Variants in RRN3 observed in about 807,000 individuals in gnomAD.
RRN3 encodes RNA polymerase I transcription factor RRN3, also known as RNA polymerase I-specific transcription initiation factor RRN3.
In RRN3, 38 loss-of-function variants were observed where a neutral mutation model predicts 82.3. That is an observed-to-expected ratio of 0.46 (90% CI 0.36 to 0.61). The LOEUF (loss-of-function observed/expected upper bound fraction) is 0.61. RRN3 is among the 20% of genes least tolerant of loss of function. The pLI is 0.00. For missense variants in RRN3, 726 were observed against 793.1 expected, an observed-to-expected ratio of 0.92 and a Z score of 1.02; for synonymous variants, 284 against 284.3, an observed-to-expected ratio of 1.00 and a Z score of 0.01.
chr16:15,088,599 G>A (rs2045999238), intron 3 of RRN3, among the ~76,000 whole-genome samples: 1 of 152,012 alleles, frequency 6.6e-6, no homozygotes, highest in African/African-American at 2.4e-5. Context: ...TTGTATCTGG[G>A]AAAGAAGGCA....
intron 10 of RRN3, 49 bp from the exon 11 acceptor site, chr16:15,074,910 G>T (rs1211268149): frequency 1.3e-6 from 2 of 1,542,158 alleles, no homozygotes; most frequent in South Asian, 2.4e-5. Context: ...CAATGTCAAA[G>T]TGGTTTAGTA....
At chr16:15,085,888 C>T (rs1289866421) in intron 5 of RRN3, among the ~76,000 whole-genome samples, 190 bp from the exon 6 acceptor site, 7 of 152,062 alleles carry the variant, frequency 4.6e-5, no homozygotes, top group Non-Finnish European at 7.4e-5. Flanking sequence ...AGTTTTTAAA[C>T]GGCTAAAAAT....
intron 6 of RRN3, among the ~76,000 whole-genome samples, chr16:15,084,973 G>C (rs1290281522): frequency 6.6e-6 from 1 of 152,054 alleles, no homozygotes; most frequent in Non-Finnish European, 1.5e-5. Context: ...GGCTGAAGCA[G>C]GAGAACCACT....
At chr16:15,093,638 A>T (rs950632800) in intron 1 of RRN3, among the ~76,000 whole-genome samples, 1 of 152,252 alleles carries the variant, frequency 6.6e-6, no homozygotes, top group Admixed American at 6.5e-5. Flanking sequence ...AAAACATAGC[A>T]TCCTAATGAC....
chr16:15,089,807 A>AC (rs1278011138), intron 3 of RRN3, among the ~76,000 whole-genome samples: 1 of 132,702 alleles, frequency 7.5e-6, no homozygotes, highest in Non-Finnish European at 1.7e-5. Flanking sequence ...AAAAAAAAAA[A>AC]AAAACAGATT....
chr16:15,061,608 C>G lies in RRN3; in HGVS notation c.*136G>C. 1 of 703,758 alleles carries G rather than the reference C, an allele frequency of 1.4e-6. No homozygotes were observed. Among genetic ancestry groups the G allele is most frequent in the Non-Finnish European group, 2.3e-6 (1 of 434,704 alleles). The allele number at this position is 703,758 out of a possible 1,614,324, so 43.6% of individuals were successfully genotyped here. On this transcript the variant is annotated 3_prime_UTR_variant, in exon 18 of 18. Coordinates refer to ENST00000198767, the MANE Select transcript of RRN3 (RefSeq NM_018427.5). Reference sequence around the variant, plus strand: ...CTTCAGATGCTTGATTCAGTCGAACCTGGAAGTGCCACAGCCGAGGCAGGC... The same window carrying G: ...CTTCAGATGCTTGATTCAGTCGAACGTGGAAGTGCCACAGCCGAGGCAGGC...
intron 8 of RRN3, among the ~76,000 whole-genome samples, chr16:15,080,466 G>GCT (rs905429434): frequency 2.6e-5 from 4 of 152,058 alleles, no homozygotes; most frequent in African/African-American, 4.8e-5. Flanking sequence ...ACAGGGTCTT[G>GCT]CTCTCTCTCT....
chr16:15,065,098 G>A (rs1171793605), intron 16 of RRN3, 121 bp downstream of exon 16: 13 of 981,978 alleles, frequency 1.3e-5, no homozygotes, highest in South Asian at 1.7e-5. Context: ...CCCGGGAGGC[G>A]GAGCTTGCGG....
At chr16:15,066,866 G>C (rs527641508) in intron 15 of RRN3, among the ~76,000 whole-genome samples, 86 of 151,806 alleles carry the variant, frequency 5.7e-4, no homozygotes, top group African/African-American at 2.1e-3. Context: ...CCTGCTCTTA[G>C]CCTCACATCG....
intron 15 of RRN3, among the ~76,000 whole-genome samples, chr16:15,067,140 G>C (rs1296001552): frequency 6.6e-6 from 1 of 150,950 alleles, no homozygotes; most frequent in Non-Finnish European, 1.5e-5. Context: ...CAGAAGAGAG[G>C]ACACCTTGAA....
At chr16:15,073,277 AG>A (rs2045314780) in intron 11 of RRN3, among the ~76,000 whole-genome samples, 197 bp from the exon 12 acceptor site, 1 of 152,144 alleles carries the variant, frequency 6.6e-6, no homozygotes, top group Non-Finnish European at 1.5e-5. Context: ...TGGGGAACAC[AG>A]GGAAGCTCTG....
intron 16 of RRN3, among the ~76,000 whole-genome samples, chr16:15,064,935 G>A (rs1329878255): frequency 1.3e-5 from 2 of 152,208 alleles, no homozygotes; most frequent in African/African-American, 4.8e-5. Context: ...GGGAGGCCGA[G>A]GCGGGCGGAT....
At chr16:15,066,612 G>T (rs1478412451) in intron 15 of RRN3, among the ~76,000 whole-genome samples, 1 of 150,334 alleles carries the variant, frequency 6.7e-6, no homozygotes, top group African/African-American at 2.4e-5. Context: ...CAGCCTGGGT[G>T]ACAGAGCAAG....
intron 6 of RRN3, 31 bp downstream of exon 6, chr16:15,085,608 G>A: frequency 6.2e-7 from 1 of 1,604,852 alleles, no homozygotes; most frequent in South Asian, 1.1e-5. Context: ...GAAAGCTACT[G>A]TGCCCAGGCT....
chr16:15,080,075 G>T lies in RRN3; in HGVS notation c.688C>A (p.Leu230Ile), dbSNP rs2045634883. 1 of 1,600,090 alleles carries T rather than the reference G, an allele frequency of 6.2e-7. No individual in the cohort carries two copies. Among genetic ancestry groups the T allele is most frequent in the Admixed American group, 1.7e-5 (1 of 57,616 alleles). ...GTTGGAAAATATACACTAATCCTTA[G>T]TAAGTTATGAACGTAACATTCCTAA... ...RTLECYVHNL[L>I]RISVYFPTLR... Residue 230 changes from leucine to isoleucine, a missense_variant, in exon 9 of 18, where the codon CTA (leucine) becomes ATA (isoleucine). Around this residue, in one of 4 missense-constraint regions of RRN3, gnomAD observed 344 missense variants for 394.5 expected, o/e 0.87. Transcript: ENST00000198767.
chr16:15,080,082 A>G lies in RRN3; in HGVS notation c.681T>C (p.His227=), dbSNP rs1413271670. The G allele has an allele frequency of 5.6e-6, 9 of 1,599,024 alleles. No homozygotes were observed. The African/African-American group carries it at 1.1e-4, about 19-fold the overall frequency. Residue 227 remains histidine (H), a synonymous_variant, in exon 9 of 18, where the codon CAT becomes CAC. Transcript: ENST00000198767. ...AATATACACTAATCCTTAGTAAGTT[A>G]TGAACGTAACATTCCTAAAGGAGAA... is the stretch of plus-strand genomic sequence containing the variant. ...KSERTLECYV[H]NLLRISVYFP...
rs2045287520 is a variant in RRN3 at position 15,072,695 on chromosome 16, G to GT, written c.1128+254dup. On this transcript the variant is annotated intron_variant, in intron 12 of 17. Transcript: ENST00000198767. ...ACCTGTGGTCCCAGCTATCGAGAGG[G>GT]TAAGGACTGAGAGTCCGTTGAGCCC... is the stretch of plus-strand genomic sequence containing the variant. Among the ~76,000 whole-genome samples the GT allele has an allele frequency of 2.0e-5, 3 of 152,236 alleles. No individual in the cohort carries two copies. The South Asian group carries it at 6.2e-4, about 32-fold the overall frequency.
chr16:15,069,919 G>A (rs2045149364), intron 14 of RRN3, 151 bp downstream of exon 14: 1 of 984,436 alleles, frequency 1.0e-6, no homozygotes, highest in Non-Finnish European at 1.5e-6. Context: ...AGGGGCCTAT[G>A]AGCTGCTTGA....
chr16:15,083,185 G>A (rs928588333), intron 8 of RRN3, among the ~76,000 whole-genome samples: 7 of 152,208 alleles, frequency 4.6e-5, no homozygotes, highest in African/African-American at 4.8e-5. Flanking sequence ...CAGATCACAA[G>A]GTCAGGCGTT....
Sources: gnomAD v4.1 joint callset for allele counts (sites outside exome capture counted in the v4.1 genomes callset) on GRCh38, gnomAD v4.1.1 for gene constraint, gnomAD v4.1.1 regional missense constraint, MANE v1.5 for transcripts, NCBI Gene and HGNC (gene_info 2026-07-23, HGNC 2026-07-21) for gene names.